Variants in TSHZ2 observed in about 807,000 individuals in gnomAD.
The protein encoded by TSHZ2 is teashirt homolog 2.
Under a neutral mutation model 74.4 loss-of-function variants are expected in TSHZ2, and 21 were observed. That is an observed-to-expected ratio of 0.28 (90% CI 0.20 to 0.41). The LOEUF is 0.41. Among genes scored for constraint, TSHZ2 ranks in the 10% least tolerant of loss-of-function variants. The probability of loss-of-function intolerance (pLI) is 1.00; values close to 1 mark genes in which losing one functional copy is unlikely to be tolerated. For synonymous variants in TSHZ2, 540 were observed against 515.3 expected (o/e 1.05, Z -0.65); for missense variants, 1,244 against 1,293.5 (o/e 0.96, Z 0.59).
intron 2 of TSHZ2, among the ~76,000 whole-genome samples, chr20:53,388,767 G>C (rs1234641592): frequency 2.0e-5 from 3 of 151,928 alleles, no homozygotes; most frequent in African/African-American, 7.3e-5. Flanking sequence ...TTTTAGTAGA[G>C]ATGGGGTTTT....
intron 2 of TSHZ2, among the ~76,000 whole-genome samples, chr20:53,481,647 G>C (rs1986153348): frequency 1.3e-5 from 2 of 152,052 alleles, no homozygotes; most frequent in South Asian, 4.1e-4. Context: ...TCCAAGATTT[G>C]GATCTTCTCT....
At chr20:53,341,128 A>G (rs1206985005) in intron 2 of TSHZ2, among the ~76,000 whole-genome samples, 1 of 152,148 alleles carries the variant, frequency 6.6e-6, no homozygotes, top group Non-Finnish European at 1.5e-5. Context: ...CACATAGTAG[A>G]TGCTCAATAG....
chr20:53,479,200 A>G (rs1986081115), intron 2 of TSHZ2, among the ~76,000 whole-genome samples: 1 of 151,486 alleles, frequency 6.6e-6, no homozygotes, highest in African/African-American at 2.4e-5. Context: ...GAGAAAATTG[A>G]GACATGAAAA....
chr20:53,099,721 T>C (rs1199873414), intron 1 of TSHZ2, among the ~76,000 whole-genome samples: 1 of 152,134 alleles, frequency 6.6e-6, no homozygotes, highest in Non-Finnish European at 1.5e-5. Flanking sequence ...AAACCCCTTA[T>C]AAAAACATCT....
chr20:53,201,014 T>C (rs1258617635), intron 1 of TSHZ2, among the ~76,000 whole-genome samples: 1 of 141,298 alleles, frequency 7.1e-6, no homozygotes, highest in Non-Finnish European at 1.5e-5. Flanking sequence ...AATTTTCCAT[T>C]AATTTTTTTT....
intron 2 of TSHZ2, among the ~76,000 whole-genome samples, chr20:53,307,501 C>A (rs749396991): frequency 3.4e-4 from 52 of 152,178 alleles, no homozygotes; most frequent in Non-Finnish European, 6.0e-4. Context: ...ACTTAATTGC[C>A]TGCAGACTGT....
At chr20:53,180,409 C>T in intron 1 of TSHZ2, among the ~76,000 whole-genome samples, 1 of 152,182 alleles carries the variant, frequency 6.6e-6, no homozygotes, top group East Asian at 1.9e-4. Flanking sequence ...GTAGAAGAAA[C>T]CCCCAAGAAA....
At chr20:53,421,408 C>A (rs6063942) in intron 2 of TSHZ2, 50,933 of 185,710 alleles carry the variant, frequency 0.27, 7,152 homozygotes, top group Non-Finnish European at 0.29. Flanking sequence ...GTAAGCCCAT[C>A]TACAGGGAGA....
intron 1 of TSHZ2, among the ~76,000 whole-genome samples, chr20:53,170,808 C>T (rs185825330): frequency 3.9e-4 from 59 of 152,240 alleles, no homozygotes; most frequent in Non-Finnish European, 5.6e-4. Context: ...GTTAGGACGT[C>T]AGAGTGGTGT....
In TSHZ2 at chr20:52,973,416, A is replaced by T. The variant is rs191928952; in HGVS notation, c.40+83A>T. The T allele has an allele frequency of 6.4e-3, 9,801 of 1,523,390 alleles. 39 individuals carry two copies. The highest frequency in any genetic ancestry group is 7.9e-3 in the Non-Finnish European group (8,927 of 1,127,398). The allele number at this position is 1,523,390 out of a possible 1,614,324, so 94.4% of individuals were successfully genotyped here. A position where few individuals can be genotyped will look rare whatever the true frequency, so the allele number is the denominator to read the frequency against. On this transcript the variant is annotated intron_variant, in intron 1 of 2. Coordinates refer to ENST00000371497, the MANE Select transcript of TSHZ2 (RefSeq NM_173485.6). ...TCCTTGCCCCTGGGTGCCCGGGGGC[A>T]CCACCCACTTAAGCTTTCGGGGGAG...
rs573490546 is a variant in TSHZ2 at position 53,470,490 on chromosome 20, CTCCTTTGCT to C, written c.*9-16648_*9-16640del. 1.6e-3 allele frequency among the ~76,000 whole-genome samples: 239 copies of C among 152,320 alleles called. 3 individuals carry two copies. The Middle Eastern group carries it at 0.017, about 11-fold the overall frequency. On this transcript the variant is annotated intron_variant, in intron 2 of 2. Coordinates refer to ENST00000371497, the MANE Select transcript of TSHZ2 (RefSeq NM_173485.6). ...CGCTAAGCATCATGTGTCTCCATTG[CTCCTTTGCT>C]TCCTTGTCACAGTCTTTTTAAAATA...
At chr20:53,181,403 G>A (rs939168778) in intron 1 of TSHZ2, among the ~76,000 whole-genome samples, 2 of 152,190 alleles carry the variant, frequency 1.3e-5, no homozygotes, top group African/African-American at 4.8e-5. Context: ...CTGGAAGACA[G>A]TCTAAATAGA....
chr20:53,024,571 C>T (rs910141187), intron 1 of TSHZ2, among the ~76,000 whole-genome samples: 9 of 151,834 alleles, frequency 5.9e-5, no homozygotes, highest in Non-Finnish European at 1.0e-4. Context: ...TAGGTATACA[C>T]GTGCCATGGT....
intron 1 of TSHZ2, among the ~76,000 whole-genome samples, chr20:53,143,213 A>G (rs1456335735): frequency 6.6e-6 from 1 of 152,194 alleles, no homozygotes; most frequent in Non-Finnish European, 1.5e-5. Context: ...ACAGGCTTCT[A>G]CAGAAGACTC....
chr20:53,164,164 GA>G (rs1332368167), intron 1 of TSHZ2, among the ~76,000 whole-genome samples: 2 of 151,848 alleles, frequency 1.3e-5, no homozygotes, highest in African/African-American at 4.8e-5. Context: ...TCCTAAAATA[GA>G]TTGGAATTAG....
At chr20:53,344,913 G>A (rs1368557058) in intron 2 of TSHZ2, among the ~76,000 whole-genome samples, 1 of 152,168 alleles carries the variant, frequency 6.6e-6, no homozygotes, top group African/African-American at 2.4e-5. Context: ...AGTAAAGATT[G>A]TGTAAAAAAA....
intron 2 of TSHZ2, among the ~76,000 whole-genome samples, chr20:53,391,492 T>A (rs75146803): frequency 9.9e-5 from 15 of 151,514 alleles, no homozygotes; most frequent in Admixed American, 7.9e-4. Flanking sequence ...TTTTTTTTTT[T>A]ACAATCACAG....
In TSHZ2 at chr20:52,994,143, A is replaced by G. The variant is rs116392996; in HGVS notation, c.40+20810A>G. ...ATTTAACAGATATTTATTAATTTACATTGTTTTCCGGCCCCTGTGCTGTGT... is the reference window on the plus strand; with the variant it reads ...ATTTAACAGATATTTATTAATTTACGTTGTTTTCCGGCCCCTGTGCTGTGT... On this transcript the variant is annotated intron_variant, in intron 1 of 2. Transcript: ENST00000371497. Among the ~76,000 whole-genome samples, 383 of 152,328 alleles carry G rather than the reference A, an allele frequency of 2.5e-3. 1 individual carries two copies. Among genetic ancestry groups the G allele is most frequent in the African/African-American group, 8.6e-3 (359 of 41,576 alleles).
chr20:53,062,321 G>A (rs1293442292), intron 1 of TSHZ2, among the ~76,000 whole-genome samples: 3 of 152,246 alleles, frequency 2.0e-5, no homozygotes, highest in South Asian at 2.1e-4. Context: ...AACTATAAAC[G>A]GTCATATGGG....
Sources: allele counts gnomAD v4.1 joint callset (sites outside exome capture counted in the v4.1 genomes callset), GRCh38; gene constraint gnomAD v4.1.1; transcripts MANE v1.5; gene names NCBI Gene and HGNC (gene_info 2026-07-23, HGNC 2026-07-21).